PLG: variants seen among roughly 807,000 people sequenced by gnomAD.
PLG encodes plasmin.
PLG carries 41 observed loss-of-function variants against 104.4 expected under a neutral mutation model. That is an observed-to-expected ratio of 0.39 (90% CI 0.31 to 0.51). The LOEUF (loss-of-function observed/expected upper bound fraction) is 0.51. Among genes scored for constraint, PLG ranks in the 20% least tolerant of loss-of-function variants. The pLI is 0.76. For missense variants in PLG, 891 were observed against 1,003.6 expected (o/e 0.89, Z 1.52); for synonymous variants, 337 against 357.1 (o/e 0.94, Z 0.63).
At chr6:160,721,638 G>A (rs559234337) in intron 9 of PLG, among the ~76,000 whole-genome samples, 16 of 152,262 alleles carry the variant, frequency 1.1e-4, no homozygotes, top group African/African-American at 3.9e-4. Flanking sequence ...ATTGACACTC[G>A]GCTGTTTCTT....
intron 9 of PLG, among the ~76,000 whole-genome samples, chr6:160,721,892 A>G (rs974764640): frequency 6.6e-6 from 1 of 152,214 alleles, no homozygotes; most frequent in African/African-American, 2.4e-5. Flanking sequence ...CAAGGGAATA[A>G]GATTTTTGCC....
At position 160,741,279 on chromosome 6, in the gene PLG, G is replaced by T; in HGVS notation, c.2019-32G>T. The T allele has an allele frequency of 7.0e-7, 1 of 1,425,636 alleles. No individual in the cohort carries two copies. Among genetic ancestry groups the T allele is most frequent in the Non-Finnish European group, 9.9e-7 (1 of 1,008,118 alleles). The allele number at this position is 1,425,636 out of a possible 1,614,324, so 88.3% of individuals were successfully genotyped here. ...GGGTACTGCAGCTGCGAGCAGAGCA[G>T]TCAAACATAACTGCTGATGCTTTTC... On this transcript the variant is annotated intron_variant, in intron 16 of 18. Coordinates refer to ENST00000308192, the MANE Select transcript of PLG (RefSeq NM_000301.5). The surrounding 1 kb of genome is among the most constrained non-coding windows in gnomAD (Gnocchi z 4.7).
At chr6:160,706,676 G>C in intron 2 of PLG, 134 bp downstream of exon 2, 1 of 885,860 alleles carries the variant, frequency 1.1e-6, no homozygotes, top group Non-Finnish European at 1.8e-6. Context: ...TTTGCTCACA[G>C]TATGTGAAGC....
Position 160,716,635 on chromosome 6 carries a change from G to T in PLG, c.669-10G>T. ...GTTCAGTGCTACTAAAATCTTTCTT[G>T]TCCATTCAGATTTCCAAACAAGAAC... is the stretch of plus-strand genomic sequence containing the variant. On this transcript the variant is annotated splice_polypyrimidine_tract_variant and intron_variant, in intron 6 of 18. Transcript: ENST00000308192. The T allele has an allele frequency of 1.4e-6, 2 of 1,480,750 alleles. No individual in the cohort carries two copies. The highest frequency in any genetic ancestry group is 1.9e-6 in the Non-Finnish European group (2 of 1,058,788). The allele number at this position is 1,480,750 out of a possible 1,614,324, so 91.7% of individuals were successfully genotyped here.
At chr6:160,705,432 G>A (rs182825211) in intron 1 of PLG, 3 of 152,312 alleles carry the variant, frequency 2.0e-5, no homozygotes, top group Admixed American at 2.0e-4. Context: ...TTTGTCCCAG[G>A]TCCTGCTTTT....
chr6:160,733,945 C>T (rs1482774918), intron 12 of PLG, 50 bp from the exon 13 acceptor site: 3 of 940,756 alleles, frequency 3.2e-6, no homozygotes, highest in Non-Finnish European at 5.3e-6. Flanking sequence ...AACACCTTCT[C>T]CCTCTCCTGC....
In PLG at chr6:160,733,844, C is replaced by CAAAAA. The variant is rs750182802; in HGVS notation, c.1588-150_1588-149insAAAAA. Reference sequence around the variant, plus strand: ...GGGCGACAAGAGCAAAACTCCACCTCAGAAAAAAAAAAAAAAAAAAAAAAG... The same window carrying CAAAAA: ...GGGCGACAAGAGCAAAACTCCACCTCAAAAAAGAAAAAAAAAAAAAAAAAAAAAAG... On this transcript the variant is annotated intron_variant, in intron 12 of 18. Coordinates refer to ENST00000308192, the MANE Select transcript of PLG (RefSeq NM_000301.5). 9.8e-4 allele frequency: 366 copies of CAAAAA among 372,226 alleles called. 4 individuals are homozygous for CAAAAA. The highest frequency in any genetic ancestry group is 1.3e-3 in the African/African-American group (29 of 21,882). 23.1% of individuals were successfully genotyped at this position (372,226 alleles called of 1,614,324 possible).
intron 8 of PLG, 100 bp from the exon 9 acceptor site, chr6:160,718,593 A>G (rs1445884983): frequency 2.3e-5 from 32 of 1,414,796 alleles, no homozygotes; most frequent in Middle Eastern, 2.0e-4. Flanking sequence ...AAAGGAAATG[A>G]ACTTTAGCAC....
At position 160,706,516 on chromosome 6, in the gene PLG, T is replaced by G. The variant is rs1777528527; in HGVS notation, c.159T>G (p.Cys53Trp). Residue 53 changes from cysteine (C) to tryptophan (W), a missense_variant, in exon 2 of 19, where the codon TGT becomes TGG. Cys to Trp is a radical substitution (Grantham distance 215, BLOSUM62 -2). Around this residue, in one of 2 missense-constraint regions of PLG, gnomAD observed 854 missense variants for 932.1 expected, o/e 0.92. Transcript: ENST00000308192. ...AGSIEECAAK[C>W]EEDEEFTCRA... ...GTATAGAAGAATGTGCAGCAAAATG[T>G]GAGGAGGACGAAGAATTCACCTGCA... is the stretch of plus-strand genomic sequence containing the variant. The G allele has an allele frequency of 6.2e-7, 1 of 1,613,736 alleles. No individual in the cohort carries two copies. Among genetic ancestry groups the G allele is most frequent in the Non-Finnish European group, 8.5e-7 (1 of 1,179,818 alleles).
intron 3 of PLG, among the ~76,000 whole-genome samples, chr6:160,709,767 T>C (rs1297778245): frequency 1.3e-5 from 2 of 152,372 alleles, no homozygotes; most frequent in East Asian, 3.9e-4. Flanking sequence ...AATGAAGATG[T>C]ACTTGCAATC....
At chr6:160,745,427 T>C (rs75844370) in intron 17 of PLG, among the ~76,000 whole-genome samples, 121 of 152,320 alleles carry the variant, frequency 7.9e-4, no homozygotes, top group Non-Finnish European at 1.4e-3. Context: ...TTTTGGTCTT[T>C]GTTGGTTTAA....
At chr6:160,713,251 C>A (rs1777675924) in intron 5 of PLG, 126 bp downstream of exon 5, 4 of 829,896 alleles carry the variant, frequency 4.8e-6, no homozygotes, top group East Asian at 2.5e-5. Flanking sequence ...CGGAAAGAAG[C>A]AAAACCCCAG....
Position 160,752,038 on chromosome 6 carries a change from C to G in PLG, c.2126-77C>G. 7.7e-7 allele frequency: 1 copy of G among 1,306,562 alleles called. No individual in the cohort carries two copies. Among genetic ancestry groups the G allele is most frequent in the Non-Finnish European group, 1.1e-6 (1 of 906,076 alleles). The allele number at this position is 1,306,562 out of a possible 1,614,324, so 80.9% of individuals were successfully genotyped here. A position where few individuals can be genotyped will look rare whatever the true frequency, so the allele number is the denominator to read the frequency against. ...AGCCTCACAGACAGGAGGTCCAGTG[C>G]CGCTGCTCTGTTCTGGAATATCCTC... is the stretch of plus-strand genomic sequence containing the variant. On this transcript the variant is annotated intron_variant, in intron 17 of 18. Transcript: ENST00000308192. This position sits in a 1 kb window ranked among gnomAD's most constrained non-coding sequence, Gnocchi z 4.7.
chr6:160,738,547 G>T lies in PLG; in HGVS notation c.1812G>T (p.Met604Ile), dbSNP rs1363441194. The T allele has an allele frequency of 6.2e-7, 1 of 1,604,038 alleles. No individual in the cohort carries two copies. The highest frequency in any genetic ancestry group is 8.5e-7 in the Non-Finnish European group (1 of 1,170,694). The change falls in exon 15 of 19, where the codon ATG (methionine) becomes ATT (isoleucine). Residue 604 changes from methionine to isoleucine, a missense_variant. Met to Ile is a conservative substitution (Grantham distance 10). Transcript: ENST00000308192. This position sits in a 1 kb window ranked among gnomAD's most constrained non-coding sequence, Gnocchi z 6.8. The stretch of plus-strand genomic sequence containing the variant: ...TAAATCCTCTTTCCAGGTTTGGAAT[G>T]CACTTCTGTGGAGGCACCTTGATAT... ...WQVSLRTRFG[M>I]HFCGGTLISP...
At chr6:160,703,519 C>T (rs765908954) in intron 1 of PLG, among the ~76,000 whole-genome samples, 46 of 152,222 alleles carry the variant, frequency 3.0e-4, no homozygotes, top group Non-Finnish European at 5.4e-4. Context: ...CAAACGGAAT[C>T]ATACGATTTG....
Position 160,711,166 on chromosome 6 carries a change from A to G in PLG, c.382A>G (p.Ser128Gly), listed in dbSNP as rs1264178560. 1.9e-6 allele frequency: 3 copies of G among 1,613,014 alleles called. No individual in the cohort carries two copies. The highest frequency in any genetic ancestry group is 2.2e-5 in the South Asian group (2 of 91,054). ...AAATGGCATCACCTGTCAAAAATGG[A>G]GTTCCACTTCTCCCCACAGACCTAG... is the stretch of plus-strand genomic sequence containing the variant. Reference protein sequence around the residue: ...TKNGITCQKWSSTSPHRPRFS... With the variant: ...TKNGITCQKWGSTSPHRPRFS... The change falls in exon 4 of 19, where the codon AGT (serine) becomes GGT (glycine). Residue 128 changes from serine (S) to glycine (G), a missense_variant. By Grantham distance (56) the Ser-to-Gly change is moderately conservative. Coordinates refer to ENST00000308192, the MANE Select transcript of PLG (RefSeq NM_000301.5).
Position 160,731,959 on chromosome 6 carries a change from T to C in PLG, c.1587+66T>C, listed in dbSNP as rs1778006932. 2 of 1,539,542 alleles carry C rather than the reference T, an allele frequency of 1.3e-6. No individual in the cohort carries two copies. The highest frequency in any genetic ancestry group is 2.7e-5 in the African/African-American group (2 of 73,530). On this transcript the variant is annotated intron_variant, in intron 12 of 18. Transcript: ENST00000308192. This position sits in a 1 kb window ranked among gnomAD's most constrained non-coding sequence, Gnocchi z 5.1. ...CAATCTTTGCAAACAGAATTGGTTCTGTGTTACAGAAAATCTGACCTGGAC... is the reference window on the plus strand; with the variant it reads ...CAATCTTTGCAAACAGAATTGGTTCCGTGTTACAGAAAATCTGACCTGGAC...
chr6:160,752,060 C>G lies in PLG; in HGVS notation c.2126-55C>G, dbSNP rs4252174. The G allele has an allele frequency of 3.9e-3, 5,920 of 1,523,278 alleles. 174 individuals carry two copies. In the African/African-American group the frequency reaches 0.062, roughly 16 times the overall value. 94.4% of individuals were successfully genotyped at this position (1,523,278 alleles called of 1,614,324 possible). ...GTGCCGCTGCTCTGTTCTGGAATAT[C>G]CTCCTGAATGTGTTTTGGGTGCAGT... On this transcript the variant is annotated intron_variant, in intron 17 of 18. Transcript: ENST00000308192. The surrounding 1 kb of genome is among the most constrained non-coding windows in gnomAD (Gnocchi z 4.7).
In PLG at chr6:160,731,369, C is replaced by A; in HGVS notation, c.1438+137C>A. 1.2e-6 allele frequency: 1 copy of A among 813,696 alleles called. No homozygotes were observed. The highest frequency in any genetic ancestry group is 2.1e-6 in the Non-Finnish European group (1 of 486,142). 50.4% of individuals were successfully genotyped at this position (813,696 alleles called of 1,614,324 possible). On this transcript the variant is annotated intron_variant, in intron 11 of 18. Coordinates refer to ENST00000308192, the MANE Select transcript of PLG (RefSeq NM_000301.5). This position sits in a 1 kb window ranked among gnomAD's most constrained non-coding sequence, Gnocchi z 5.1. ...AGAGGGTCTGCCATGTGGAAGGAAG[C>A]CTCAGTGCACTCTCTCAAGGAGGCA...
Sources: allele counts gnomAD v4.1 joint callset (sites outside exome capture counted in the v4.1 genomes callset), GRCh38; gene constraint gnomAD v4.1.1; regional missense constraint gnomAD v4.1.1; non-coding constraint Gnocchi (gnomAD v3.1); transcripts MANE v1.5; gene names NCBI Gene and HGNC (gene_info 2026-07-23, HGNC 2026-07-21).